Variants in PACRGL observed in about 807,000 individuals in gnomAD.
The protein encoded by PACRGL is parkin coregulated like.
Under a neutral mutation model 34.5 loss-of-function variants are expected in PACRGL, and 38 were observed. The ratio of observed to expected loss-of-function variants is 1.10; its 90% CI spans 0.85 to 1.44. The LOEUF (loss-of-function observed/expected upper bound fraction) is 1.44. PACRGL is among the 40% of genes most tolerant of loss of function. The pLI is 0.00. For missense variants in PACRGL, 305 were observed against 281.4 expected (o/e 1.08, Z -0.60); for synonymous variants, 128 against 100.1 (o/e 1.28, Z -1.66).
intron 7 of PACRGL, among the ~76,000 whole-genome samples, chr4:20,720,289 C>G (rs1409984565): frequency 2.6e-5 from 4 of 152,116 alleles, no homozygotes; most frequent in African/African-American, 9.7e-5. Context: ...ATCCAATCTG[C>G]CAGTCTGTGT....
intron 8 of PACRGL, among the ~76,000 whole-genome samples, chr4:20,740,429 ACT>A (rs1750787701): frequency 6.6e-6 from 1 of 151,900 alleles, no homozygotes; most frequent in Admixed American, 6.6e-5. Context: ...AATATTCAAC[ACT>A]CTTACAGAAT....
intron 4 of PACRGL, among the ~76,000 whole-genome samples, chr4:20,708,912 A>G (rs890008781): frequency 6.6e-6 from 1 of 151,578 alleles, no homozygotes; most frequent in Non-Finnish European, 1.5e-5. Flanking sequence ...GGATCACCTG[A>G]GGTCAGGAGT....
chr4:20,732,272 A>C lies in PACRGL; in HGVS notation c.*4931A>C, dbSNP rs906285064. ...CTTCTGGCTTTTCCCTTTTCAATAT[A>C]ATGTGGTGAAGATGTAGAGTCACTC... On this transcript the variant is annotated 3_prime_UTR_variant, in exon 9 of 9. Transcript: ENST00000503585. Among the ~76,000 whole-genome samples, 8 of 152,154 alleles carry C rather than the reference A, an allele frequency of 5.3e-5. 1 individual carries two copies. The highest frequency in any genetic ancestry group is 1.7e-4 in the African/African-American group (7 of 41,436).
intron 8 of PACRGL, among the ~76,000 whole-genome samples, chr4:20,737,683 G>A (rs557593334): frequency 2.0e-5 from 3 of 152,304 alleles, no homozygotes; most frequent in Admixed American, 6.5e-5. Flanking sequence ...AGAGGCAGAA[G>A]CTCTGATACT....
intron 3 of PACRGL, among the ~76,000 whole-genome samples, chr4:20,705,031 A>G (rs1733905682): frequency 6.6e-6 from 1 of 152,196 alleles, no homozygotes; most frequent in Non-Finnish European, 1.5e-5. Flanking sequence ...CCTGTTTGGG[A>G]TATCGCATTG....
chr4:20,739,590 G>A (rs11723649), intron 8 of PACRGL, among the ~76,000 whole-genome samples: 6,589 of 152,140 alleles, frequency 0.043, 192 homozygotes, highest in Middle Eastern at 0.065. Context: ...CCATCTTTAG[G>A]TCACCATCAT....
In PACRGL at chr4:20,704,548, T is replaced by C. The variant is rs376914219; in HGVS notation, c.52+15T>C. On this transcript the variant is annotated intron_variant, in intron 2 of 8. Transcript: ENST00000503585. Reference sequence around the variant, plus strand: ...CAGAGCAACAGGTACAGAGCTTTTGTTTTTAAGTGAAGAGGTCAAGTTTGT... The same window carrying C: ...CAGAGCAACAGGTACAGAGCTTTTGCTTTTAAGTGAAGAGGTCAAGTTTGT... 3 of 1,613,694 alleles carry C rather than the reference T, an allele frequency of 1.9e-6. No individual in the cohort carries two copies. The highest frequency in any genetic ancestry group is 2.2e-5 in the South Asian group (2 of 91,000).
intron 5 of PACRGL, among the ~76,000 whole-genome samples, chr4:20,712,470 A>C (rs528318754): frequency 6.6e-6 from 1 of 152,246 alleles, no homozygotes; most frequent in South Asian, 2.1e-4. Flanking sequence ...AGGCATTATA[A>C]GTAATCTAGA....
intron 8 of PACRGL, among the ~76,000 whole-genome samples, chr4:20,748,928 T>C (rs943783735): frequency 2.0e-5 from 3 of 150,294 alleles, no homozygotes; most frequent in African/African-American, 4.9e-5. Context: ...GAAATACATA[T>C]ATAAGCTATG....
intron 7 of PACRGL, among the ~76,000 whole-genome samples, chr4:20,721,512 G>A (rs1743188450): frequency 6.6e-6 from 1 of 151,824 alleles, no homozygotes; most frequent in African/African-American, 2.4e-5. Flanking sequence ...TGGTGTGGAT[G>A]TCCTTTCTGT....
Position 20,712,852 on chromosome 4 carries a change from T to C in PACRGL, c.431T>C (p.Leu144Ser). The C allele has an allele frequency of 1.2e-6, 2 of 1,605,264 alleles. No homozygotes were observed. Among genetic ancestry groups the C allele is most frequent in the Non-Finnish European group, 1.7e-6 (2 of 1,174,726 alleles). ...VSKEGFRELL[L>S]VKGAPEKAIP... Reference sequence around the variant, plus strand: ...AAGGAGGGTTTTAGAGAATTACTTTTGGTCAAAGGTGCTCCTGAAAAAGCT... The same window carrying C: ...AAGGAGGGTTTTAGAGAATTACTTTCGGTCAAAGGTGCTCCTGAAAAAGCT... The change falls in exon 6 of 9, where the codon TTG (leucine) becomes TCG (serine). Residue 144 changes from leucine to serine, a missense_variant. Physicochemically the swap from Leu to Ser is moderately radical, Grantham distance 145. Transcript: ENST00000503585.
chr4:20,707,830 G>A lies in PACRGL; in HGVS notation c.235G>A (p.Ala79Thr), dbSNP rs1423691187. The A allele has an allele frequency of 2.5e-6, 4 of 1,613,876 alleles. No homozygotes were observed. In the South Asian group the frequency reaches 3.3e-5, roughly 13 times the overall value. Residue 79 changes from alanine to threonine, a missense_variant, in exon 4 of 9, where the codon GCA (alanine) becomes ACA (threonine). Physicochemically the swap from Ala to Thr is moderately conservative, Grantham distance 58 (BLOSUM62 0). Coordinates refer to ENST00000503585, the MANE Select transcript of PACRGL (RefSeq NM_001258345.3). Reference sequence around the variant, plus strand: ...TGGTGAACAGTCACGAGTGCCTTCTGCATTTGCAGCTATTTACTCTAAAGG... The same window carrying A: ...TGGTGAACAGTCACGAGTGCCTTCTACATTTGCAGCTATTTACTCTAAAGG... The part of the protein sequence containing the change: ...PFGEQSRVPS[A>T]FAAIYSKGGI...
chr4:20,754,097 G>C (rs1372301470), downstream of PACRGL, among the ~76,000 whole-genome samples: 1 of 152,168 alleles, frequency 6.6e-6, no homozygotes, highest in African/African-American at 2.4e-5. Flanking sequence ...AGTTTAAGAA[G>C]TTTTTGTGTA....
chr4:20,744,329 A>G (rs926795289), intron 8 of PACRGL, among the ~76,000 whole-genome samples: 1 of 152,210 alleles, frequency 6.6e-6, no homozygotes, highest in African/African-American at 2.4e-5. Flanking sequence ...TTGCGGCACT[A>G]TTCACAGTAG....
At chr4:20,750,106 C>T (rs972633405) in intron 8 of PACRGL, among the ~76,000 whole-genome samples, 14 of 152,326 alleles carry the variant, frequency 9.2e-5, no homozygotes, top group East Asian at 7.7e-4. Context: ...ACTAAAAATA[C>T]TACCAATGAG....
At chr4:20,706,439 ACTTT>A (rs1264994173) in intron 3 of PACRGL, among the ~76,000 whole-genome samples, 2 of 152,170 alleles carry the variant, frequency 1.3e-5, no homozygotes, top group Non-Finnish European at 1.5e-5. Context: ...TTTTCAAACA[ACTTT>A]CTTATCGGAT....
chr4:20,713,117 T>C, intron 6 of PACRGL, 195 bp downstream of exon 6: 1 of 588,998 alleles, frequency 1.7e-6, no homozygotes. Flanking sequence ...AAGACATCTT[T>C]AGAGGATGTA....
At chr4:20,745,426 T>G (rs185713711) in intron 8 of PACRGL, among the ~76,000 whole-genome samples, 2 of 152,294 alleles carry the variant, frequency 1.3e-5, no homozygotes, top group African/African-American at 4.8e-5. Flanking sequence ...TGATATCTTT[T>G]CGTGCAAAAG....
chr4:20,731,754 A>G lies in PACRGL; in HGVS notation c.*4413A>G. On this transcript the variant is annotated 3_prime_UTR_variant, in exon 9 of 9. Transcript: ENST00000503585. ...TGAATACTCTCTAAGGAATTTGGGA[A>G]TCAACACAGTACATGTACAACTTTT... 2.0e-6 allele frequency: 2 copies of G among 985,416 alleles called. No individual in the cohort carries two copies. Among genetic ancestry groups the G allele is most frequent in the Non-Finnish European group, 2.4e-6 (2 of 829,934 alleles). The allele number at this position is 985,416 out of a possible 1,614,324, so 61.0% of individuals were successfully genotyped here.
Sources: allele counts gnomAD v4.1 joint callset (sites outside exome capture counted in the v4.1 genomes callset), GRCh38; gene constraint gnomAD v4.1.1; transcripts MANE v1.5; gene names NCBI Gene and HGNC (gene_info 2026-07-23, HGNC 2026-07-21).